Variants in FILIP1 observed in about 807,000 individuals in gnomAD.
FILIP1 encodes the protein filamin-A-interacting protein 1.
Under a neutral mutation model 102.1 loss-of-function variants are expected in FILIP1, and 61 were observed. That is an observed-to-expected ratio of 0.60 (90% confidence interval 0.49 to 0.74). The LOEUF (loss-of-function observed/expected upper bound fraction) is 0.74. FILIP1 is among the 30% of genes least tolerant of loss of function. The pLI is 0.00. For synonymous variants in FILIP1, 491 were observed against 526.9 expected, an observed-to-expected ratio of 0.93 and a Z score of 0.93; for missense variants, 1,314 against 1,441.2, an observed-to-expected ratio of 0.91 and a Z score of 1.43.
Position 75,314,251 on chromosome 6 carries a change from A to G in FILIP1, c.1581T>C (p.Asp527=), listed in dbSNP as rs1273579532. The G allele has an allele frequency of 1.9e-6, 3 of 1,560,056 alleles. No individual in the cohort carries two copies. Among genetic ancestry groups the G allele is most frequent in the African/African-American group, 2.8e-5 (2 of 71,232 alleles). Residue 527 remains aspartate (D), a synonymous_variant, in exon 5 of 6, where the codon GAT becomes GAC. Coordinates refer to ENST00000237172, the MANE Select transcript of FILIP1 (RefSeq NM_015687.5). ...EKIKQEERKV[D]GLNKNFKVEQ... ...CCACCTTAAAATTTTTATTGAGTCCATCCACTTTTCTCTCTTCTTGTTTTA... is the reference window on the plus strand; with the variant it reads ...CCACCTTAAAATTTTTATTGAGTCCGTCCACTTTTCTCTCTTCTTGTTTTA...
chr6:75,391,936 A>C (rs1776292475), intron 2 of FILIP1, among the ~76,000 whole-genome samples: 1 of 152,126 alleles, frequency 6.6e-6, no homozygotes, highest in African/African-American at 2.4e-5. Flanking sequence ...TACTCCACTG[A>C]AACTCTTTTA....
chr6:75,436,427 A>G (rs1290905281), intron 1 of FILIP1, among the ~76,000 whole-genome samples: 3 of 152,122 alleles, frequency 2.0e-5, no homozygotes, highest in African/African-American at 4.8e-5. Context: ...TGTATGCACC[A>G]AAGTTGGAAG....
chr6:75,319,152 T>C (rs1582334938), intron 4 of FILIP1: 6 of 730,756 alleles, frequency 8.2e-6, no homozygotes, highest in East Asian at 2.8e-5. Flanking sequence ...TTCCCTTTTA[T>C]GCTGCATCAG....
At chr6:75,296,359 GT>G (rs1772671750) in intron 6 of FILIP1, among the ~76,000 whole-genome samples, 2 of 150,908 alleles carry the variant, frequency 1.3e-5, no homozygotes, top group African/African-American at 4.9e-5. Context: ...GTGTGTGTGT[GT>G]GTGTGTGTGT....
At chr6:75,317,063 A>G (rs1582331164) in intron 4 of FILIP1, among the ~76,000 whole-genome samples, 1 of 152,230 alleles carries the variant, frequency 6.6e-6, no homozygotes, top group East Asian at 1.9e-4. Flanking sequence ...ATGCCTCTAT[A>G]CTGTTAGAGG....
intron 1 of FILIP1, among the ~76,000 whole-genome samples, chr6:75,439,049 T>A (rs1778116422): frequency 1.3e-5 from 2 of 152,176 alleles, no homozygotes; most frequent in South Asian, 4.1e-4. Flanking sequence ...TAATGAAATG[T>A]CTCCAGATCT....
chr6:75,300,125 A>G (rs1012143780), intron 6 of FILIP1, among the ~76,000 whole-genome samples: 1 of 146,900 alleles, frequency 6.8e-6, no homozygotes, highest in Non-Finnish European at 1.5e-5. Flanking sequence ...CTCTACATTT[A>G]AAAAAAAAAC....
intron 1 of FILIP1, among the ~76,000 whole-genome samples, chr6:75,477,043 T>C (rs1384139210): frequency 6.6e-6 from 1 of 152,220 alleles, no homozygotes; most frequent in Admixed American, 6.5e-5. Flanking sequence ...AGGTTAATTA[T>C]TGGTTAAAAA....
intron 1 of FILIP1, among the ~76,000 whole-genome samples, chr6:75,474,912 C>A (rs1440366428): frequency 6.6e-6 from 1 of 151,834 alleles, no homozygotes; most frequent in Non-Finnish European, 1.5e-5. Context: ...GTGTGTGGCA[C>A]CCCCCACCCC....
intron 4 of FILIP1, among the ~76,000 whole-genome samples, chr6:75,322,192 T>C (rs1773688120): frequency 6.6e-6 from 1 of 152,236 alleles, no homozygotes; most frequent in South Asian, 2.1e-4. Context: ...CAAAACATAA[T>C]GCCTATGGCA....
At chr6:75,395,625 G>T (rs1366667341) in intron 2 of FILIP1, among the ~76,000 whole-genome samples, 1 of 152,090 alleles carries the variant, frequency 6.6e-6, no homozygotes, top group East Asian at 1.9e-4. Flanking sequence ...CTATTTTGGT[G>T]TTTTGCCTAA....
intron 3 of FILIP1, 24 bp downstream of exon 3, chr6:75,362,720 G>C: frequency 6.2e-7 from 1 of 1,607,130 alleles, no homozygotes; most frequent in Non-Finnish European, 8.5e-7. Context: ...CCATCCAGGG[G>C]ACTTGTTGGT....
intron 1 of FILIP1, among the ~76,000 whole-genome samples, chr6:75,418,805 G>A (rs915737705): frequency 3.9e-5 from 6 of 152,190 alleles, no homozygotes; most frequent in African/African-American, 1.2e-4. Context: ...CTGGAGCACA[G>A]ATGCTTCTCT....
At position 75,454,115 on chromosome 6, in the gene FILIP1, G is replaced by A. The variant is rs558171004; in HGVS notation, c.-6-39137C>T. On this transcript the variant is annotated intron_variant, in intron 1 of 5. Transcript: ENST00000237172. ...AATGATAAAATCAAGGTGTTTCAGGGATGCGTTCTTTACTGGAGGCTCTGC... is the reference window on the plus strand; with the variant it reads ...AATGATAAAATCAAGGTGTTTCAGGAATGCGTTCTTTACTGGAGGCTCTGC... 1.7e-3 allele frequency: 742 copies of A among 430,402 alleles called. 13 individuals are homozygous for A. Among genetic ancestry groups the A allele is most frequent in the South Asian group, 0.012 (721 of 58,678 alleles). The allele number at this position is 430,402 out of a possible 1,614,324, so 26.7% of individuals were successfully genotyped here. A position where few individuals can be genotyped will look rare whatever the true frequency, so the allele number is the denominator to read the frequency against.
chr6:75,332,784 G>A (rs991233480), intron 4 of FILIP1, among the ~76,000 whole-genome samples: 1 of 152,124 alleles, frequency 6.6e-6, no homozygotes, highest in Non-Finnish European at 1.5e-5. Context: ...CCCCATGGAA[G>A]GCACTTGTGG....
In FILIP1 at chr6:75,400,327, T is replaced by C. The variant is rs1776610981; in HGVS notation, c.276+14370A>G. On this transcript the variant is annotated intron_variant, in intron 2 of 5. Coordinates refer to ENST00000237172, the MANE Select transcript of FILIP1 (RefSeq NM_015687.5). Reference sequence around the variant, plus strand: ...CTTGCCAATTGCAACTACAAAGTAATTTTCAAAAAGCACCTATCAAAGTGC... The same window carrying C: ...CTTGCCAATTGCAACTACAAAGTAACTTTCAAAAAGCACCTATCAAAGTGC... 2.0e-5 allele frequency among the ~76,000 whole-genome samples: 3 copies of C among 152,162 alleles called. No homozygotes were observed. The South Asian group carries it at 6.2e-4, about 32-fold the overall frequency.
chr6:75,406,353 C>A (rs1446035296), intron 2 of FILIP1, among the ~76,000 whole-genome samples: 1 of 152,174 alleles, frequency 6.6e-6, no homozygotes, highest in Non-Finnish European at 1.5e-5. Flanking sequence ...CATGTTGGCC[C>A]CTATGCTCAT....
At chr6:75,467,597 A>T (rs1444533182) in intron 1 of FILIP1, among the ~76,000 whole-genome samples, 1 of 152,140 alleles carries the variant, frequency 6.6e-6, no homozygotes, top group African/African-American at 2.4e-5. Context: ...AAGATTACAC[A>T]CTGGTTTCCA....
At position 75,438,632 on chromosome 6, in the gene FILIP1, G is replaced by C. The variant is rs577793060; in HGVS notation, c.-6-23654C>G. 2.9e-4 allele frequency among the ~76,000 whole-genome samples: 44 copies of C among 151,796 alleles called. No homozygotes were observed. The Middle Eastern group carries it at 0.014, about 47-fold the overall frequency. ...ACAAATCTTGGTGCAATTGGATTAGGCTAAAAAAAAAAGGCAGCATATGGG... is the reference window on the plus strand; with the variant it reads ...ACAAATCTTGGTGCAATTGGATTAGCCTAAAAAAAAAAGGCAGCATATGGG... On this transcript the variant is annotated intron_variant, in intron 1 of 5. Transcript: ENST00000237172.
Sources: allele counts gnomAD v4.1 joint callset (sites outside exome capture counted in the v4.1 genomes callset), GRCh38; gene constraint gnomAD v4.1.1; transcripts MANE v1.5; gene names NCBI Gene and HGNC (gene_info 2026-07-23, HGNC 2026-07-21).